Variants in KCNK2 observed in about 807,000 individuals in gnomAD.
KCNK2 encodes the protein potassium two pore domain channel subfamily K member 2, also known as potassium channel subfamily K member 2.
In KCNK2, 21 loss-of-function variants were observed where a neutral mutation model predicts 40.5. The ratio of observed to expected loss-of-function variants is 0.52; its 90% CI spans 0.37 to 0.75. The LOEUF (loss-of-function observed/expected upper bound fraction) is 0.75. Ranked by LOEUF, KCNK2 falls within the 30% of genes least tolerant of loss-of-function variation. The probability of loss-of-function intolerance (pLI) is 0.00; values close to 1 mark genes in which losing one functional copy is unlikely to be tolerated. For synonymous variants in KCNK2, 191 were observed against 202.2 expected, an observed-to-expected ratio of 0.94 and a Z score of 0.47; for missense variants, 399 against 531.6, an observed-to-expected ratio of 0.75 and a Z score of 2.45.
At chr1:215,062,704 A>C (rs1479198944) in intron 1 of KCNK2, among the ~76,000 whole-genome samples, 2 of 151,840 alleles carry the variant, frequency 1.3e-5, no homozygotes, top group South Asian at 4.2e-4. Context: ...TTGGCTACAG[A>C]ACTGTGCAAA....
intron 1 of KCNK2, among the ~76,000 whole-genome samples, chr1:215,021,254 A>G (rs1049887940): frequency 1.3e-5 from 2 of 152,130 alleles, no homozygotes; most frequent in Non-Finnish European, 2.9e-5. Flanking sequence ...CAAGTTCCCT[A>G]TTTCATCTGG....
intron 3 of KCNK2, among the ~76,000 whole-genome samples, chr1:215,150,915 G>T (rs955588434): frequency 1.3e-5 from 2 of 151,802 alleles, no homozygotes; most frequent in African/African-American, 2.4e-5. Context: ...GTTGTAAAAT[G>T]GATATCATTT....
intron 2 of KCNK2, among the ~76,000 whole-genome samples, chr1:215,121,730 A>G (rs4428856): frequency 0.55 from 83,152 of 152,114 alleles, 25,490 homozygotes; most frequent in Non-Finnish European, 0.68. Flanking sequence ...ATTAAAATAC[A>G]CCTGTTTTCT....
At chr1:215,167,152 T>G (rs1253645111) in intron 3 of KCNK2, among the ~76,000 whole-genome samples, 2 of 152,182 alleles carry the variant, frequency 1.3e-5, no homozygotes, top group African/African-American at 4.8e-5. Flanking sequence ...TCACTCCATG[T>G]TCTTTTTGTA....
chr1:215,125,951 T>C (rs1317636026), intron 3 of KCNK2, among the ~76,000 whole-genome samples: 1 of 151,782 alleles, frequency 6.6e-6, no homozygotes, highest in African/African-American at 2.4e-5. Flanking sequence ...TGAGAAAATA[T>C]ATGTAAAAAA....
intron 1 of KCNK2, among the ~76,000 whole-genome samples, chr1:215,009,960 G>A (rs149841720): frequency 3.0e-4 from 46 of 152,280 alleles, no homozygotes; most frequent in African/African-American, 9.6e-4. Flanking sequence ...TGGCTGCTGA[G>A]ATAACATGGA....
chr1:215,142,133 C>T (rs993943865), intron 3 of KCNK2, among the ~76,000 whole-genome samples: 4 of 152,078 alleles, frequency 2.6e-5, no homozygotes, highest in African/African-American at 7.2e-5. Flanking sequence ...TTTGCAATTG[C>T]ATATTCAGTT....
intron 6 of KCNK2, among the ~76,000 whole-genome samples, chr1:215,204,269 T>C (rs1334101219): frequency 6.6e-6 from 1 of 151,726 alleles, no homozygotes; most frequent in Non-Finnish European, 1.5e-5. Flanking sequence ...TACTTTTGTT[T>C]TCTTCCTTTT....
At position 215,130,346 on chromosome 1, in the gene KCNK2, G is replaced by A. The variant is rs111420799; in HGVS notation, c.475+5596G>A. Among the ~76,000 whole-genome samples the A allele has an allele frequency of 2.4e-3, 364 of 152,234 alleles. 3 individuals carry two copies. The highest frequency in any genetic ancestry group is 8.4e-3 in the African/African-American group (347 of 41,550). The stretch of plus-strand genomic sequence containing the variant: ...GAAGCTCCGTACCCCCTACTTCTAC[G>A]CATACCCAAATGCATCTCTTCCATT... On this transcript the variant is annotated intron_variant, in intron 3 of 6. Transcript: ENST00000444842.
chr1:215,033,754 T>C (rs1264657513), intron 1 of KCNK2, among the ~76,000 whole-genome samples: 1 of 152,194 alleles, frequency 6.6e-6, no homozygotes, highest in African/African-American at 2.4e-5. Flanking sequence ...CCCCAGCAGG[T>C]AGGCTGTGGT....
chr1:215,143,873 G>T (rs1662295116), intron 3 of KCNK2, among the ~76,000 whole-genome samples: 1 of 152,078 alleles, frequency 6.6e-6, no homozygotes, highest in South Asian at 2.1e-4. Context: ...AAGTGGAAGG[G>T]CTATGCCATT....
chr1:215,227,387 G>A (rs1666425595), intron 6 of KCNK2, among the ~76,000 whole-genome samples: 1 of 152,160 alleles, frequency 6.6e-6, no homozygotes, highest in Non-Finnish European at 1.5e-5. Context: ...CATTCTGGAT[G>A]AGAGAAAAAC....
In KCNK2 at chr1:215,054,854, G is replaced by A. The variant is rs530529619; in HGVS notation, c.35-31514G>A. Among the ~76,000 whole-genome samples the A allele has an allele frequency of 9.9e-5, 15 of 152,162 alleles. No homozygotes were observed. In the East Asian group the frequency reaches 2.5e-3, roughly 25 times the overall value. On this transcript the variant is annotated intron_variant, in intron 1 of 6. Transcript: ENST00000391895. ...TAAATTGTTTTTCATTTTTTCTAAT[G>A]TATTCTTCCCACAAGGTTTGTTTCT...
At chr1:215,116,002 G>T (rs1463108010) in intron 2 of KCNK2, among the ~76,000 whole-genome samples, 1 of 149,988 alleles carries the variant, frequency 6.7e-6, no homozygotes, top group Admixed American at 6.7e-5. Context: ...TTTCATTGAG[G>T]CTCAAAGGAA....
chr1:215,083,438 C>T lies in KCNK2; in HGVS notation c.46+7C>T, dbSNP rs1367338948. The T allele has an allele frequency of 6.2e-7, 1 of 1,600,528 alleles. No homozygotes were observed. Among genetic ancestry groups the T allele is most frequent in the Non-Finnish European group, 8.6e-7 (1 of 1,169,490 alleles). On this transcript the variant is annotated splice_region_variant and intron_variant, in intron 1 of 6. Coordinates refer to ENST00000444842, the MANE Select transcript of KCNK2 (RefSeq NM_001017425.3). ...CCCGGCTATAGAGCAGGAGGTGAGA[C>T]CCCCCCTCCGGTACCCCCACCCCTC...
chr1:215,148,128 G>A (rs1442883877), intron 3 of KCNK2, among the ~76,000 whole-genome samples: 1 of 139,012 alleles, frequency 7.2e-6, no homozygotes. Context: ...GCCCAGGCGG[G>A]AGATGCAGTG....
Position 215,020,251 on chromosome 1 carries a change from G to A in KCNK2, c.34+14296G>A, listed in dbSNP as rs528199251. Among the ~76,000 whole-genome samples, 3 of 152,212 alleles carry A rather than the reference G, an allele frequency of 2.0e-5. No homozygotes were observed. The East Asian group carries it at 5.8e-4, about 29-fold the overall frequency. On this transcript the variant is annotated intron_variant, in intron 1 of 6. Coordinates refer to the KCNK2 transcript ENST00000391895. ...CAAATCTATTGAATAAATGTATCAA[G>A]CTTAAAAATAGTATTAATAATCAAA...
Position 215,070,357 on chromosome 1 carries a change from A to C in KCNK2, c.35-16011A>C, listed in dbSNP as rs1658707848. ...CGTGAATCTGGGAGGCGGAGCTTGC[A>C]GTGAGCCGAGATTGCACCACTGCAC... On this transcript the variant is annotated intron_variant, in intron 1 of 6. Coordinates refer to the KCNK2 transcript ENST00000391895. Among the ~76,000 whole-genome samples, 3 of 145,104 alleles carry C rather than the reference A, an allele frequency of 2.1e-5. No homozygotes were observed. The South Asian group carries it at 6.7e-4, about 33-fold the overall frequency.
chr1:215,152,114 G>C (rs1020708929), intron 3 of KCNK2, among the ~76,000 whole-genome samples: 1 of 152,010 alleles, frequency 6.6e-6, no homozygotes, highest in African/African-American at 2.4e-5. Flanking sequence ...CCCTGATATA[G>C]TACATTAACA....
Sources: allele counts gnomAD v4.1 joint callset (sites outside exome capture counted in the v4.1 genomes callset), GRCh38; gene constraint gnomAD v4.1.1; transcripts MANE v1.5; gene names NCBI Gene and HGNC (gene_info 2026-07-23, HGNC 2026-07-21).